The following ADAMTS12 variants were observed in gnomAD, a reference collection of about 807,000 sequenced individuals.
ADAMTS12 encodes the protein A disintegrin and metalloproteinase with thrombospondin motifs 12.
ADAMTS12 carries 118 observed loss-of-function variants against 167.8 expected under a neutral mutation model. That is an observed-to-expected ratio of 0.70 (90% CI 0.61 to 0.82). The LOEUF (loss-of-function observed/expected upper bound fraction) is 0.82, where lower values mean the gene tolerates loss of function less well. Ranked by LOEUF, ADAMTS12 falls within the 40% of genes least tolerant of loss-of-function variation. ADAMTS12 has a pLI of 0.00. For synonymous variants in ADAMTS12, 704 were observed against 716.9 expected, an observed-to-expected ratio of 0.98 and a Z score of 0.29; for missense variants, 1,916 against 1,998.8, an observed-to-expected ratio of 0.96 and a Z score of 0.79.
chr5:33,887,168 GAAAT>G (rs33944188), intron 1 of ADAMTS12, among the ~76,000 whole-genome samples: 2,462 of 152,230 alleles, frequency 0.016, 76 homozygotes, highest in African/African-American at 0.056. Context: ...TAGGTGTCAA[GAAAT>G]AATAATAGCT....
intron 2 of ADAMTS12, among the ~76,000 whole-genome samples, chr5:33,851,545 A>T (rs1749220664): frequency 6.6e-6 from 1 of 152,208 alleles, no homozygotes; most frequent in African/African-American, 2.4e-5. Flanking sequence ...CAGAGGAGGG[A>T]TGTAAAGCAC....
chr5:33,890,376 T>C (rs1298997668), intron 1 of ADAMTS12, among the ~76,000 whole-genome samples: 1 of 152,166 alleles, frequency 6.6e-6, no homozygotes, highest in Non-Finnish European at 1.5e-5. Context: ...TTTACACAAG[T>C]GAGTGCTGGC....
At chr5:33,812,004 A>G (rs1311362082) in intron 2 of ADAMTS12, among the ~76,000 whole-genome samples, 1 of 152,192 alleles carries the variant, frequency 6.6e-6, no homozygotes, top group Non-Finnish European at 1.5e-5. Context: ...ATTTGTCAGC[A>G]GCTTGGTGTG....
Position 33,527,019 on chromosome 5 carries a change from G to T in ADAMTS12, c.*169C>A. 1.2e-6 allele frequency: 1 copy of T among 856,750 alleles called. No individual in the cohort carries two copies. The highest frequency in any genetic ancestry group is 1.8e-6 in the Non-Finnish European group (1 of 560,714). The allele number at this position is 856,750 out of a possible 1,614,324, so 53.1% of individuals were successfully genotyped here. On this transcript the variant is annotated 3_prime_UTR_variant, in exon 24 of 24. Coordinates refer to ENST00000504830, the MANE Select transcript of ADAMTS12 (RefSeq NM_030955.4). ...GCAAGTACGGCAGCCTAGGCCTCCT[G>T]TGAGGGACATTCGGTGGCTAGAGGA...
intron 5 of ADAMTS12, among the ~76,000 whole-genome samples, chr5:33,672,285 T>G (rs1350549193): frequency 3.1e-5 from 3 of 95,272 alleles, no homozygotes; most frequent in African/African-American, 1.3e-4. Flanking sequence ...CCCACATACA[T>G]ACACACACCC....
intron 2 of ADAMTS12, among the ~76,000 whole-genome samples, chr5:33,766,958 T>A (rs1439658634): frequency 6.6e-6 from 1 of 152,082 alleles, no homozygotes; most frequent in Admixed American, 6.5e-5. Flanking sequence ...AAAGAACTGA[T>A]CCAAAATAAG....
intron 2 of ADAMTS12, among the ~76,000 whole-genome samples, chr5:33,848,881 T>G (rs999556549): frequency 1.3e-5 from 2 of 152,032 alleles, no homozygotes; most frequent in Non-Finnish European, 2.9e-5. Context: ...CTAAGTAGCT[T>G]TAATGTGTAT....
chr5:33,686,862 CTCTA>C (rs1409330403), intron 3 of ADAMTS12, among the ~76,000 whole-genome samples: 3 of 150,792 alleles, frequency 2.0e-5, no homozygotes, highest in Non-Finnish European at 4.4e-5. Context: ...TCTCCTCTCT[CTCTA>C]TATATATATG....
intron 2 of ADAMTS12, among the ~76,000 whole-genome samples, chr5:33,848,239 G>T (rs1227300839): frequency 3.3e-5 from 5 of 151,728 alleles, no homozygotes; most frequent in African/African-American, 1.2e-4. Flanking sequence ...AGTGAAGCAA[G>T]GAAATGCCTG....
chr5:33,595,910 G>T, intron 17 of ADAMTS12, 24 bp downstream of exon 17: 1 of 1,613,590 alleles, frequency 6.2e-7, no homozygotes, highest in Non-Finnish European at 8.5e-7. Context: ...GACACACAGA[G>T]CTCCAGCTGT....
At chr5:33,585,591 C>T (rs895755824) in intron 18 of ADAMTS12, among the ~76,000 whole-genome samples, 12 of 152,208 alleles carry the variant, frequency 7.9e-5, no homozygotes, top group African/African-American at 2.9e-4. Flanking sequence ...AGGCATGTCC[C>T]TGAAATGGTG....
chr5:33,855,146 C>A (rs1470121497), intron 2 of ADAMTS12, among the ~76,000 whole-genome samples: 2 of 152,230 alleles, frequency 1.3e-5, no homozygotes, highest in African/African-American at 2.4e-5. Context: ...CGGTCACATT[C>A]TTTGATTGTA....
chr5:33,740,619 AC>A (rs1445083007), intron 3 of ADAMTS12, among the ~76,000 whole-genome samples: 3 of 152,206 alleles, frequency 2.0e-5, no homozygotes, highest in Non-Finnish European at 4.4e-5. Context: ...ACTCCAAGAC[AC>A]TGCGGGCACG....
chr5:33,698,781 T>A (rs1579849852), intron 3 of ADAMTS12, among the ~76,000 whole-genome samples: 2 of 152,128 alleles, frequency 1.3e-5, no homozygotes, highest in African/African-American at 4.8e-5. Context: ...CTACTAAAAA[T>A]ACAAAAATTA....
intron 18 of ADAMTS12, among the ~76,000 whole-genome samples, chr5:33,584,846 G>A (rs1053861483): frequency 6.6e-6 from 1 of 152,100 alleles, no homozygotes; most frequent in African/African-American, 2.4e-5. Flanking sequence ...AGCAAACTGA[G>A]GTCCTATAAG....
At position 33,576,585 on chromosome 5, in the gene ADAMTS12, C is replaced by T. The variant is rs781040799; in HGVS notation, c.3441G>A (p.Leu1147=). 7 of 1,614,160 alleles carry T rather than the reference C, an allele frequency of 4.3e-6. No homozygotes were observed. In the East Asian group the frequency reaches 1.1e-4, roughly 26 times the overall value. ...TWPVTPFYNT[L]TKGPEMEIHS... ...GAATCTCCATTTCTGGACCTTTGGT[C>T]AAGGTATTGTAAAATGGAGTCACAG... Residue 1147 remains leucine (L), a synonymous_variant, in exon 19 of 24, where the codon TTG becomes TTA. Transcript: ENST00000504830.
chr5:33,549,982 C>T (rs1193936109), intron 20 of ADAMTS12, among the ~76,000 whole-genome samples: 1 of 152,216 alleles, frequency 6.6e-6, no homozygotes, highest in Non-Finnish European at 1.5e-5. Context: ...TGAGCAAACA[C>T]TGTCCTTGCC....
rs116164266 is a variant in ADAMTS12, at chr5:33,723,563, T to C, written c.634+27841A>G. On this transcript the variant is annotated intron_variant, in intron 3 of 23. Coordinates refer to ENST00000504830, the MANE Select transcript of ADAMTS12 (RefSeq NM_030955.4). ...AATCAAAAGAGCTGGGGTACAAGCA[T>C]TGGCCACATCAGTTACAACCTGGGT... Among the ~76,000 whole-genome samples the C allele has an allele frequency of 2.9e-3, 443 of 152,270 alleles. 1 individual carries two copies. Among genetic ancestry groups the C allele is most frequent in the African/African-American group, 0.01 (433 of 41,542 alleles).
intron 1 of ADAMTS12, among the ~76,000 whole-genome samples, chr5:33,881,981 A>G (rs1165621373): frequency 1.3e-5 from 2 of 152,132 alleles, no homozygotes; most frequent in Non-Finnish European, 2.9e-5. Flanking sequence ...AAATTTACCT[A>G]GTGCTTCCTC....
Sources: allele counts gnomAD v4.1 joint callset (sites outside exome capture counted in the v4.1 genomes callset), GRCh38; gene constraint gnomAD v4.1.1; transcripts MANE v1.5; gene names NCBI Gene and HGNC (gene_info 2026-07-23, HGNC 2026-07-21).